Variants in VPS13D observed in about 807,000 individuals in gnomAD.
VPS13D encodes intermembrane lipid transfer protein VPS13D.
Under a neutral mutation model 461.9 loss-of-function variants are expected in VPS13D, and 187 were observed. The ratio of observed to expected loss-of-function variants is 0.40; its 90% CI spans 0.36 to 0.46. VPS13D has a LOEUF of 0.46. Ranked by LOEUF, VPS13D falls within the 20% of genes least tolerant of loss-of-function variation. The pLI is 0.60. For missense variants in VPS13D, 4,711 were observed against 5,364.9 expected (o/e 0.88, Z 3.81); for synonymous variants, 1,951 against 1,986.3 (o/e 0.98, Z 0.47).
chr1:12,302,794 G>C (rs1006426452), intron 25 of VPS13D, among the ~76,000 whole-genome samples: 1 of 133,008 alleles, frequency 7.5e-6, no homozygotes, highest in Admixed American at 7.4e-5. Context: ...TTCATACTAT[G>C]TAAAGATGTT....
In VPS13D at chr1:12,276,444, G is replaced by T. The variant is rs137965762; in HGVS notation, c.2856G>T (p.Ser952=). 3.5e-5 allele frequency: 56 copies of T among 1,614,028 alleles called. No homozygotes were observed. The highest frequency in any genetic ancestry group is 4.2e-5 in the Non-Finnish European group (50 of 1,180,044). The change falls in exon 19 of 70, where the codon TCG becomes TCT. Residue 952 remains serine (S), a synonymous_variant. Transcript: ENST00000620676. This position sits in a 1 kb window ranked among gnomAD's most constrained non-coding sequence, Gnocchi z 4.5. ...ATACCCGCGAGGTTCTGGTGGAGTC[G>T]CAGCTCCTCCTGGCGGAATTTAAAG... ...EQHTREVLVE[S]QLLLAEFKVN...
At chr1:12,365,470 C>G (rs1288336933) in intron 52 of VPS13D, among the ~76,000 whole-genome samples, 1 of 152,098 alleles carries the variant, frequency 6.6e-6, no homozygotes, top group East Asian at 1.9e-4. Context: ...CTTTCGGAGG[C>G]CTAGGTGGGC....
chr1:12,375,713 C>T (rs796173291), intron 55 of VPS13D, among the ~76,000 whole-genome samples: 7 of 152,330 alleles, frequency 4.6e-5, no homozygotes, highest in African/African-American at 1.7e-4. Context: ...CCTCACCTCC[C>T]TCTGTGATGC....
chr1:12,383,176 C>T (rs368711018), intron 58 of VPS13D, 21 bp downstream of exon 58: 102 of 1,599,876 alleles, frequency 6.4e-5, no homozygotes, highest in Non-Finnish European at 8.6e-5. Context: ...GTCATAAGAG[C>T]TGATGTGAAA....
intron 15 of VPS13D, among the ~76,000 whole-genome samples, chr1:12,268,305 A>G (rs184632): frequency 0.073 from 10,952 of 149,056 alleles, 689 homozygotes; most frequent in African/African-American, 0.15. Flanking sequence ...GGACTTTCCA[A>G]CAAAAACCAG....
intron 67 of VPS13D, among the ~76,000 whole-genome samples, chr1:12,494,128 C>G (rs1473865437): frequency 1.3e-5 from 2 of 152,190 alleles, no homozygotes; most frequent in Non-Finnish European, 2.9e-5. Flanking sequence ...AGTGAGCTCC[C>G]CTAGTCAGCA....
intron 69 of VPS13D, 147 bp from the exon 70 acceptor site, chr1:12,508,746 G>C: frequency 1.2e-6 from 1 of 809,718 alleles, no homozygotes; most frequent in Non-Finnish European, 1.9e-6. Context: ...TGCGAGTGAA[G>C]CAGGAGCAGC....
chr1:12,272,188 A>G (rs990211331), intron 17 of VPS13D, among the ~76,000 whole-genome samples: 1 of 152,192 alleles, frequency 6.6e-6, no homozygotes, highest in Non-Finnish European at 1.5e-5. Flanking sequence ...TTGTCTCAAG[A>G]AATCAAAATA....
At chr1:12,490,003 T>A (rs1404041501) in intron 67 of VPS13D, among the ~76,000 whole-genome samples, 1 of 152,212 alleles carries the variant, frequency 6.6e-6, no homozygotes, top group Non-Finnish European at 1.5e-5. Context: ...CTCCTACTGC[T>A]TCCCTGCTGT....
chr1:12,432,519 G>A (rs1645005224), intron 65 of VPS13D, among the ~76,000 whole-genome samples: 1 of 151,982 alleles, frequency 6.6e-6, no homozygotes, highest in Admixed American at 6.5e-5. Flanking sequence ...GTTGCCTGCT[G>A]TCCAGCAACC....
Position 12,349,247 on chromosome 1 carries a change from C to G in VPS13D, c.9304C>G (p.Pro3102Ala), listed in dbSNP as rs1465369949. 1 of 1,613,978 alleles carries G rather than the reference C, an allele frequency of 6.2e-7. No individual in the cohort carries two copies. The highest frequency in any genetic ancestry group is 8.5e-7 in the Non-Finnish European group (1 of 1,180,028). ...CACTTCTTGGCGGCTACAGGCCCGG[C>G]CCAAAGGATTGGGTGTATTTTTCTG... The part of the protein sequence containing the change: ...HLTSWRLQAR[P>A]KGLGVFFCKA... The change falls in exon 46 of 70, where the codon CCC becomes GCC. Residue 3102 changes from proline (P) to alanine (A), a missense_variant. Pro to Ala is a conservative substitution (Grantham distance 27). Transcript: ENST00000620676.
chr1:12,254,951 T>C (rs909097974), intron 7 of VPS13D, among the ~76,000 whole-genome samples: 12 of 142,346 alleles, frequency 8.4e-5, no homozygotes, highest in Non-Finnish European at 3.1e-5. Context: ...GGCTTTCTTC[T>C]TTTTTTTTTT....
At chr1:12,321,657 G>A (rs979347589) in intron 32 of VPS13D, 152 bp from the exon 33 acceptor site, 3 of 799,016 alleles carry the variant, frequency 3.8e-6, no homozygotes, top group Admixed American at 7.4e-5. Flanking sequence ...AGCGGTGGGG[G>A]GCTTCACTCT....
rs1195352383 is a variant in VPS13D, at chr1:12,321,837, A to G, written c.7577A>G (p.His2526Arg). ...TTTTCATGCCGACTAGGGAATGAGC[A>G]TGATACAGCTCTTTCAATTGTGGAT... ...EVFSCRLGNE[H>R]DTALSIVDPV... The change falls in exon 33 of 70, where the codon CAT becomes CGT. Residue 2526 changes from histidine to arginine, a missense_variant. Coordinates refer to ENST00000620676, the MANE Select transcript of VPS13D (RefSeq NM_015378.4). 2.5e-6 allele frequency: 4 copies of G among 1,608,406 alleles called. No individual in the cohort carries two copies. Among genetic ancestry groups the G allele is most frequent in the Non-Finnish European group, 3.4e-6 (4 of 1,178,356 alleles).
At chr1:12,336,126 G>A (rs1191722241) in intron 39 of VPS13D, 1 of 269,222 alleles carries the variant, frequency 3.7e-6, no homozygotes, top group South Asian at 5.7e-5. Flanking sequence ...ATCAGGATCA[G>A]CTGTGGTTTG....
Position 12,273,032 on chromosome 1 carries a change from G to A in VPS13D, c.2133G>A (p.Leu711=), listed in dbSNP as rs1207380756. ...IEESKRWTVR[L]DISAPQVIFP... ...AGAGTAAACGATGGACCGTGCGGCT[G>A]GATATTTCTGCCCCTCAGGTGATAT... Residue 711 remains leucine (L), a synonymous_variant, in exon 18 of 70, where the codon CTG becomes CTA. Coordinates refer to ENST00000620676, the MANE Select transcript of VPS13D (RefSeq NM_015378.4). 6 of 1,614,082 alleles carry A rather than the reference G, an allele frequency of 3.7e-6. No individual in the cohort carries two copies. The highest frequency in any genetic ancestry group is 5.1e-6 in the Non-Finnish European group (6 of 1,179,986).
At chr1:12,254,976 C>T (rs1005008560) in intron 7 of VPS13D, among the ~76,000 whole-genome samples, 1 of 150,646 alleles carries the variant, frequency 6.6e-6, no homozygotes, top group Non-Finnish European at 1.5e-5. Context: ...GACGGCATCT[C>T]GCTCGGTTGC....
chr1:12,352,144 A>G (rs1219593254), intron 46 of VPS13D, among the ~76,000 whole-genome samples: 3 of 151,922 alleles, frequency 2.0e-5, no homozygotes, highest in Non-Finnish European at 4.4e-5. Flanking sequence ...ACAACAAATT[A>G]GCCAGACATG....
rs760675797 is a variant in VPS13D, at chr1:12,258,007, C to G, written c.1014C>G (p.Thr338=). The G allele has an allele frequency of 1.9e-6, 3 of 1,614,166 alleles. No individual in the cohort carries two copies. The East Asian group carries it at 6.7e-5, about 36-fold the overall frequency. ...TCAGAGAGCAGAGGAAACGTTGCAC[C>G]TGGGACTTTATGTTGCACCGCGCTC... ...YEIREQRKRC[T]WDFMLHRARD... Residue 338 remains threonine, a synonymous_variant, in exon 10 of 70, where the codon ACC becomes ACG. Transcript: ENST00000620676.
Sources: allele counts gnomAD v4.1 joint callset (sites outside exome capture counted in the v4.1 genomes callset), GRCh38; gene constraint gnomAD v4.1.1; non-coding constraint Gnocchi (gnomAD v3.1); transcripts MANE v1.5; gene names NCBI Gene and HGNC (gene_info 2026-07-23, HGNC 2026-07-21).